CHN1: variants seen among roughly 807,000 people sequenced by gnomAD.
CHN1 encodes the protein chimerin 1.
In CHN1, 37 loss-of-function variants were observed where a neutral mutation model predicts 59.5. The ratio of observed to expected loss-of-function variants is 0.62; its 90% CI spans 0.48 to 0.82. CHN1 has a LOEUF of 0.82. Ranked by LOEUF, CHN1 falls within the 40% of genes least tolerant of loss-of-function variation. The probability of loss-of-function intolerance (pLI) is 0.00; values close to 1 mark genes in which losing one functional copy is unlikely to be tolerated. For missense variants in CHN1, 469 were observed against 571.0 expected (o/e 0.82, Z 1.82); for synonymous variants, 206 against 200.4 (o/e 1.03, Z -0.24).
chr2:174,843,960 TTC>T (rs558874976), intron 7 of CHN1, among the ~76,000 whole-genome samples: 1 of 131,950 alleles, frequency 7.6e-6, no homozygotes, highest in Admixed American at 9.0e-5. Flanking sequence ...GTTTGTTTTG[TTC>T]TCTCTCTTTC....
chr2:174,801,991 C>G (rs992597451), intron 11 of CHN1, 179 bp from the exon 12 acceptor site: 2 of 487,462 alleles, frequency 4.1e-6, no homozygotes, highest in Non-Finnish European at 7.5e-6. Flanking sequence ...TCCAAAGGCT[C>G]TTAGTTTCAA....
intron 10 of CHN1, among the ~76,000 whole-genome samples, chr2:174,809,300 TA>T (rs1685001582): frequency 6.6e-6 from 1 of 152,196 alleles, no homozygotes; most frequent in Admixed American, 6.5e-5. Flanking sequence ...TAGCCCTTAT[TA>T]AAATAAAATC....
intron 3 of CHN1, among the ~76,000 whole-genome samples, chr2:174,940,451 T>G (rs1689623840): frequency 6.6e-6 from 1 of 152,118 alleles, no homozygotes; most frequent in Non-Finnish European, 1.5e-5. Flanking sequence ...AATATATATA[T>G]AAGTTGAGGA....
In CHN1 at chr2:174,799,425, TTAA is replaced by T. The variant is rs1332219595; in HGVS notation, c.*688_*690del. On this transcript the variant is annotated 3_prime_UTR_variant, in exon 13 of 13. Transcript: ENST00000409900. ...TATTTCTAAAAGCCAATTTAATAAA[TTAA>T]TAAACGCATGCCAGAAAAAATACCA... The T allele has an allele frequency of 4.4e-6, 2 of 452,518 alleles. No individual in the cohort carries two copies. The highest frequency in any genetic ancestry group is 9.3e-5 in the East Asian group (2 of 21,506). The allele number at this position is 452,518 out of a possible 1,614,324, so 28.0% of individuals were successfully genotyped here. A position where few individuals can be genotyped will look rare whatever the true frequency, so the allele number is the denominator to read the frequency against.
chr2:174,997,152 A>C (rs1691734546), intron 1 of CHN1, among the ~76,000 whole-genome samples: 1 of 152,234 alleles, frequency 6.6e-6, no homozygotes, highest in African/African-American at 2.4e-5. Context: ...AGATGGGTAA[A>C]CAAATCACAA....
intron 2 of CHN1, among the ~76,000 whole-genome samples, chr2:174,947,322 T>C (rs1201483451): frequency 6.6e-6 from 1 of 152,182 alleles, no homozygotes; most frequent in Admixed American, 6.5e-5. Context: ...TTCTTAACAT[T>C]AAGTCACATA....
chr2:174,848,117 A>T (rs966852538), intron 6 of CHN1, among the ~76,000 whole-genome samples: 22 of 152,210 alleles, frequency 1.4e-4, no homozygotes, highest in Non-Finnish European at 2.8e-4. Flanking sequence ...CACATTGCTA[A>T]CAGCTTGCAG....
chr2:174,991,080 T>G (rs1362147144), intron 1 of CHN1, among the ~76,000 whole-genome samples: 4 of 152,198 alleles, frequency 2.6e-5, no homozygotes, highest in African/African-American at 9.7e-5. Context: ...TGTAAAACAA[T>G]CATTAGGGTG....
intron 7 of CHN1, among the ~76,000 whole-genome samples, chr2:174,844,396 A>G (rs1051008380): frequency 4.6e-5 from 7 of 152,212 alleles, no homozygotes; most frequent in Non-Finnish European, 8.8e-5. Flanking sequence ...CACTCCCTGA[A>G]ATAAGGTTTG....
chr2:174,855,790 T>G (rs1280105825), intron 6 of CHN1, among the ~76,000 whole-genome samples: 1 of 152,154 alleles, frequency 6.6e-6, no homozygotes, highest in Non-Finnish European at 1.5e-5. Flanking sequence ...TTTTAAGAAT[T>G]GTATACTTTA....
intron 10 of CHN1, chr2:174,811,280 C>T (rs975824405): frequency 2.3e-6 from 1 of 431,092 alleles, no homozygotes; most frequent in Non-Finnish European, 4.1e-6. Context: ...GCCTTGGATA[C>T]TCAAATATTG....
At chr2:174,982,296 C>G (rs529778709) in intron 1 of CHN1, among the ~76,000 whole-genome samples, 301 of 152,244 alleles carry the variant, frequency 2.0e-3, no homozygotes, top group Non-Finnish European at 3.5e-3. Context: ...GATTTATAAT[C>G]CTTTGGGTAT....
At chr2:174,961,168 A>AGGGAGGGGGGGAGGGAGGGG (rs1690390288) in intron 1 of CHN1, among the ~76,000 whole-genome samples, 1 of 122,196 alleles carries the variant, frequency 8.2e-6, no homozygotes, top group Non-Finnish European at 1.7e-5. Context: ...GCAGGGAGGG[A>AGGGAGGGGGGGAGGGAGGGG]AGGAATGGAA....
At chr2:174,898,582 C>T (rs532277501) in intron 5 of CHN1, among the ~76,000 whole-genome samples, 17 of 152,204 alleles carry the variant, frequency 1.1e-4, no homozygotes, top group Non-Finnish European at 1.3e-4. Context: ...CCAGCCTGGG[C>T]GACAGAGCGA....
intron 3 of CHN1, among the ~76,000 whole-genome samples, chr2:174,927,644 C>CA (rs537527776): frequency 4.2e-4 from 63 of 151,008 alleles, no homozygotes; most frequent in Middle Eastern, 3.4e-3. Flanking sequence ...GACAGTAGTC[C>CA]AAAAAAAACC....
At chr2:174,846,074 T>C (rs1171113944) in intron 7 of CHN1, among the ~76,000 whole-genome samples, 2 of 152,328 alleles carry the variant, frequency 1.3e-5, no homozygotes, top group South Asian at 2.1e-4. Flanking sequence ...GGGAAGTTAC[T>C]ATAGAAATGC....
chr2:174,972,688 AGGAG>A (rs1414918708), intron 1 of CHN1, among the ~76,000 whole-genome samples: 1 of 152,150 alleles, frequency 6.6e-6, no homozygotes, highest in Non-Finnish European at 1.5e-5. Flanking sequence ...TCACTCTATT[AGGAG>A]GGAGGGAGGG....
intron 7 of CHN1, among the ~76,000 whole-genome samples, chr2:174,834,111 T>C (rs1685981384): frequency 6.6e-6 from 1 of 152,174 alleles, no homozygotes; most frequent in Admixed American, 6.5e-5. Flanking sequence ...CAGTCTACAA[T>C]ATACACCTTT....
intron 1 of CHN1, among the ~76,000 whole-genome samples, chr2:175,000,742 G>A (rs987959112): frequency 1.3e-5 from 2 of 151,946 alleles, no homozygotes; most frequent in African/African-American, 4.8e-5. Flanking sequence ...CTGCACCCAG[G>A]CTTTATTATT....
Sources: gnomAD v4.1 joint callset for allele counts (sites outside exome capture counted in the v4.1 genomes callset) on GRCh38, gnomAD v4.1.1 for gene constraint, MANE v1.5 for transcripts, NCBI Gene and HGNC (gene_info 2026-07-23, HGNC 2026-07-21) for gene names.